The following RIOX2 variants were observed in gnomAD, a reference collection of about 807,000 sequenced individuals.
The protein encoded by RIOX2 is 60S ribosomal protein L27a histidine hydroxylase.
Under a neutral mutation model 51.2 loss-of-function variants are expected in RIOX2, and 43 were observed. That is an observed-to-expected ratio of 0.84 (90% CI 0.66 to 1.08). The LOEUF (loss-of-function observed/expected upper bound fraction) is 1.08. Among genes scored for constraint, RIOX2 ranks in the 50% least tolerant of loss-of-function variants. The probability of loss-of-function intolerance (pLI) is 0.00; values close to 1 mark genes in which losing one functional copy is unlikely to be tolerated. For synonymous variants in RIOX2, 226 were observed against 218.5 expected (o/e 1.03, Z -0.30); for missense variants, 566 against 561.7 (o/e 1.01, Z -0.08).
intron 3 of RIOX2, among the ~76,000 whole-genome samples, chr3:97,960,973 A>G (rs1705652435): frequency 6.6e-6 from 1 of 152,248 alleles, no homozygotes; most frequent in Non-Finnish European, 1.5e-5. Context: ...AATTGCTATC[A>G]AAGGAGAAAA....
At position 97,942,253 on chromosome 3, in the gene RIOX2, C is replaced by T. The variant is rs2107114090; in HGVS notation, c.*2931G>A. On this transcript the variant is annotated 3_prime_UTR_variant, in exon 10 of 10. Transcript: ENST00000394198. ...TCAACTTACTTTAGCAAACATACTACTGCCAATTAATCATTTCTTAACCCT... is the reference window on the plus strand; with the variant it reads ...TCAACTTACTTTAGCAAACATACTATTGCCAATTAATCATTTCTTAACCCT... The T allele has an allele frequency of 1.9e-6, 3 of 1,568,562 alleles. No individual in the cohort carries two copies. Among genetic ancestry groups the T allele is most frequent in the South Asian group, 1.2e-5 (1 of 84,288 alleles).
chr3:97,962,375 C>A (rs941812252), intron 2 of RIOX2, among the ~76,000 whole-genome samples: 2 of 84,930 alleles, frequency 2.4e-5, no homozygotes, highest in African/African-American at 4.5e-5. Flanking sequence ...CCCCCCCCCA[C>A]ATGGAGATGT....
intron 8 of RIOX2, among the ~76,000 whole-genome samples, chr3:97,946,717 G>GAT (rs2107132486): frequency 6.6e-6 from 1 of 151,492 alleles, no homozygotes; most frequent in South Asian, 2.1e-4. Flanking sequence ...TCATTCATGG[G>GAT]ATAGCTCCTT....
At chr3:97,963,783 T>C (rs1705772546) in intron 2 of RIOX2, among the ~76,000 whole-genome samples, 1 of 152,148 alleles carries the variant, frequency 6.6e-6, no homozygotes, top group Non-Finnish European at 1.5e-5. Flanking sequence ...AATGGCACAA[T>C]TTTTCTATTT....
intron 4 of RIOX2, among the ~76,000 whole-genome samples, chr3:97,957,270 AG>A (rs1364301350): frequency 6.6e-6 from 1 of 152,108 alleles, no homozygotes; most frequent in East Asian, 1.9e-4. Context: ...AGGCCGAGGC[AG>A]GTGGATCACG....
At chr3:97,967,025 C>G in intron 2 of RIOX2, 137 bp downstream of exon 2, 1 of 878,896 alleles carries the variant, frequency 1.1e-6, no homozygotes, top group Non-Finnish European at 1.8e-6. Context: ...TGCATTTAGA[C>G]CAAAGAGGTG....
chr3:97,957,950 G>A (rs1405791758), intron 4 of RIOX2, among the ~76,000 whole-genome samples: 1 of 152,156 alleles, frequency 6.6e-6, no homozygotes, highest in African/African-American at 2.4e-5. Context: ...GGGTGTGGCT[G>A]TGTTCCAATA....
intron 5 of RIOX2, chr3:97,954,168 C>T (rs1705368961): frequency 2.0e-6 from 1 of 498,952 alleles, no homozygotes; most frequent in African/African-American, 1.9e-5. Flanking sequence ...TGGGCAATGC[C>T]CCACATCCTA....
At chr3:97,951,665 G>A (rs903285708) in intron 5 of RIOX2, among the ~76,000 whole-genome samples, 14 of 152,148 alleles carry the variant, frequency 9.2e-5, no homozygotes, top group African/African-American at 3.4e-4. Context: ...TTGCCGGCTA[G>A]TAGAAAATGG....
At position 97,942,302 on chromosome 3, in the gene RIOX2, G is replaced by A. The variant is rs2040248891; in HGVS notation, c.*2882C>T. ...CTTTTAGGCCAGTGATACATGTCTTGATGTGATTGGTGGCCGGGACACACC... is the reference window on the plus strand; with the variant it reads ...CTTTTAGGCCAGTGATACATGTCTTAATGTGATTGGTGGCCGGGACACACC... On this transcript the variant is annotated 3_prime_UTR_variant, in exon 10 of 10. Transcript: ENST00000394198. 2 of 1,610,372 alleles carry A rather than the reference G, an allele frequency of 1.2e-6. No individual in the cohort carries two copies. The highest frequency in any genetic ancestry group is 1.1e-5 in the South Asian group (1 of 90,572).
At chr3:97,950,623 C>T (rs138886557) in intron 6 of RIOX2, among the ~76,000 whole-genome samples, 163 bp downstream of exon 6, 32 of 152,314 alleles carry the variant, frequency 2.1e-4, no homozygotes, top group African/African-American at 7.2e-4. Flanking sequence ...CCACATAACA[C>T]ATGGCACTCC....
chr3:97,966,708 C>T (rs564628692), intron 2 of RIOX2, among the ~76,000 whole-genome samples: 3 of 152,164 alleles, frequency 2.0e-5, no homozygotes, highest in Non-Finnish European at 4.4e-5. Flanking sequence ...CTGGTCATGG[C>T]TCTGAAGCCT....
At chr3:97,965,978 G>T (rs1705875790) in intron 2 of RIOX2, among the ~76,000 whole-genome samples, 1 of 152,166 alleles carries the variant, frequency 6.6e-6, no homozygotes, top group African/African-American at 2.4e-5. Flanking sequence ...CTTTTTGAGT[G>T]CCTAGGCCAC....
chr3:97,967,165 A>C lies in RIOX2; in HGVS notation c.429T>G (p.Phe143Leu), dbSNP rs1166271469. 2 of 1,612,374 alleles carry C rather than the reference A, an allele frequency of 1.2e-6. No homozygotes were observed. The highest frequency in any genetic ancestry group is 1.7e-5 in the Admixed American group (1 of 59,862). The change falls in exon 2 of 10, where the codon TTT becomes TTG. Residue 143 changes from phenylalanine to leucine, a missense_variant. Coordinates refer to ENST00000394198, the MANE Select transcript of RIOX2 (RefSeq NM_153182.4). ...ATIQFHQPQR[F>L]KDELWRIQEK... is the part of the protein sequence containing the mutation. ...CTGCAATGGGGAAACTGGTTACCTT[A>C]AATCTCTGAGGTTGGTGAAACTGAA... is the stretch of plus-strand genomic sequence containing the variant.
In RIOX2 at chr3:97,943,233, T is replaced by C; in HGVS notation, c.*1951A>G. 1 of 1,560,494 alleles carries C rather than the reference T, an allele frequency of 6.4e-7. No individual in the cohort carries two copies. ...TTGGAATTTCTATTTTAGGAGGAAA[T>C]TATTGTGACAAGACTCATGTAATTG... On this transcript the variant is annotated 3_prime_UTR_variant, in exon 10 of 10. Transcript: ENST00000394198.
At chr3:97,967,699 G>T in intron 1 of RIOX2, 67 bp from the exon 2 acceptor site, 1 of 1,104,302 alleles carries the variant, frequency 9.1e-7, no homozygotes, top group Non-Finnish European at 1.3e-6. Flanking sequence ...TTAGTGGATC[G>T]CGCGCACACA....
chr3:97,967,440 C>G lies in RIOX2; in HGVS notation c.154G>C (p.Glu52Gln), dbSNP rs750251361. ...TCCCAGAATTCCTTGAAAAAAGTCT[C>G]TGTCTTGATGGGCGAGATTAAACTT... ...FESLISPIKT[E>Q]TFFKEFWEQK... The change falls in exon 2 of 10, where the codon GAG becomes CAG. Residue 52 changes from glutamate (E) to glutamine (Q), a missense_variant. Glu to Gln is a conservative substitution (Grantham distance 29). Coordinates refer to ENST00000394198, the MANE Select transcript of RIOX2 (RefSeq NM_153182.4). 5.6e-6 allele frequency: 9 copies of G among 1,614,062 alleles called. No homozygotes were observed. The South Asian group carries it at 9.9e-5, about 18-fold the overall frequency.
chr3:97,959,263 G>T, intron 3 of RIOX2, 84 bp from the exon 4 acceptor site: 2 of 1,308,794 alleles, frequency 1.5e-6, no homozygotes, highest in South Asian at 1.5e-5. Context: ...AGCCCTCTAA[G>T]GGGCTAATAG....
Position 97,942,485 on chromosome 3 carries a change from A to G in RIOX2, c.*2699T>C. 6.6e-7 allele frequency: 1 copy of G among 1,525,346 alleles called. No homozygotes were observed. The highest frequency in any genetic ancestry group is 8.9e-7 in the Non-Finnish European group (1 of 1,125,226). 94.5% of individuals were successfully genotyped at this position (1,525,346 alleles called of 1,614,324 possible). On this transcript the variant is annotated 3_prime_UTR_variant, in exon 10 of 10. Coordinates refer to ENST00000394198, the MANE Select transcript of RIOX2 (RefSeq NM_153182.4). ...ACCCAATGTTGTGTCCCTGGATATTAGTTTCAGTTCCAAATCTCCTCATTT... is the reference window on the plus strand; with the variant it reads ...ACCCAATGTTGTGTCCCTGGATATTGGTTTCAGTTCCAAATCTCCTCATTT...
Sources: gnomAD v4.1 joint callset for allele counts (sites outside exome capture counted in the v4.1 genomes callset) on GRCh38, gnomAD v4.1.1 for gene constraint, MANE v1.5 for transcripts, NCBI Gene and HGNC (gene_info 2026-07-23, HGNC 2026-07-21) for gene names.